SPTBN4: variants seen among roughly 807,000 people sequenced by gnomAD.
SPTBN4 encodes spectrin beta chain, non-erythrocytic 4.
In SPTBN4, 96 loss-of-function variants were observed where a neutral mutation model predicts 277.8. The observed-to-expected ratio is 0.35, with a 90% CI of 0.29 to 0.41. SPTBN4 has a LOEUF of 0.41. Among genes scored for constraint, SPTBN4 ranks in the 10% least tolerant of loss-of-function variants. The pLI is 1.00. For synonymous variants in SPTBN4, 1,481 were observed against 1,580.3 expected, an observed-to-expected ratio of 0.94 and a Z score of 1.49; for missense variants, 3,006 against 3,595.7, an observed-to-expected ratio of 0.84 and a Z score of 4.19.
At chr19:40,491,497 T>C (rs941247432) in intron 4 of SPTBN4, among the ~76,000 whole-genome samples, 6 of 151,830 alleles carry the variant, frequency 4.0e-5, no homozygotes, top group Non-Finnish European at 8.8e-5. Context: ...ATCCCAGCAC[T>C]TTGGGAGGCT....
chr19:40,515,357 C>T lies in SPTBN4; in HGVS notation c.2812C>T (p.Leu938=). The change falls in exon 15 of 36, where the codon CTG becomes TTG. Residue 938 remains leucine (L), a synonymous_variant. Transcript: ENST00000598249. This position sits in a 1 kb window ranked among gnomAD's most constrained non-coding sequence, Gnocchi z 4.1. The part of the protein sequence containing the change: ...QEMNSLMGRV[L]DVNHTVQELV... Reference sequence around the variant, plus strand: ...GATGAACAGCCTGATGGGCCGCGTTCTGGACGTGAACCACACAGTCCAGGA... The same window carrying T: ...GATGAACAGCCTGATGGGCCGCGTTTTGGACGTGAACCACACAGTCCAGGA... 2 of 1,610,828 alleles carry T rather than the reference C, an allele frequency of 1.2e-6. No individual in the cohort carries two copies. Among genetic ancestry groups the T allele is most frequent in the Non-Finnish European group, 1.7e-6 (2 of 1,178,734 alleles).
At chr19:40,529,495 T>TG (rs926105374) in intron 18 of SPTBN4, among the ~76,000 whole-genome samples, 210 of 151,880 alleles carry the variant, frequency 1.4e-3, no homozygotes, top group Non-Finnish European at 1.7e-3. Flanking sequence ...CCGAGGGCCG[T>TG]GGGGGGGCCA....
chr19:40,527,938 C>A (rs576802936), intron 17 of SPTBN4, among the ~76,000 whole-genome samples: 1 of 152,006 alleles, frequency 6.6e-6, no homozygotes, highest in East Asian at 1.9e-4. Flanking sequence ...CGCCTGTAAT[C>A]CCAGCTAGTT....
At chr19:40,553,073 G>A (rs972354632) in intron 22 of SPTBN4, among the ~76,000 whole-genome samples, 1 of 152,182 alleles carries the variant, frequency 6.6e-6, no homozygotes, top group Non-Finnish European at 1.5e-5. Context: ...GTAAAATGGA[G>A]ATGGTAATGT....
chr19:40,514,380 C>T (rs1259972830), intron 14 of SPTBN4, among the ~76,000 whole-genome samples: 1 of 152,058 alleles, frequency 6.6e-6, no homozygotes, highest in Non-Finnish European at 1.5e-5. Flanking sequence ...CAGGTTGGAG[C>T]GGGTAAGAGT....
At chr19:40,528,917 C>G in intron 17 of SPTBN4, 124 bp from the exon 18 acceptor site, 1 of 679,752 alleles carries the variant, frequency 1.5e-6, no homozygotes, top group South Asian at 1.6e-5. Context: ...TAATTCCTCC[C>G]TCTCTCTTAC....
At position 40,519,121 on chromosome 19, in the gene SPTBN4, C is replaced by T. The variant is rs1048339739; in HGVS notation, c.2904-280C>T. ...CTCCTGCCGCCTCTGGAAAACTCCA[C>T]TGAACACTCGGGAAAGAATGAGAGT... On this transcript the variant is annotated intron_variant, in intron 15 of 35. Transcript: ENST00000598249. The surrounding 1 kb of genome is among the most constrained non-coding windows in gnomAD (Gnocchi z 5.7). 3.9e-5 allele frequency among the ~76,000 whole-genome samples: 6 copies of T among 152,208 alleles called. No homozygotes were observed. The East Asian group carries it at 1.2e-3, about 29-fold the overall frequency.
In SPTBN4 at chr19:40,497,522, G is replaced by A. The variant is rs1270309167; in HGVS notation, c.702G>A (p.Lys234=). 1 of 1,614,124 alleles carries A rather than the reference G, an allele frequency of 6.2e-7. No homozygotes were observed. The highest frequency in any genetic ancestry group is 1.3e-5 in the African/African-American group (1 of 75,038). Residue 234 remains lysine (K), a synonymous_variant, in exon 7 of 36, where the codon AAG becomes AAA. Transcript: ENST00000598249. The part of the protein sequence containing the change: ...PDLVDFSKLT[K]SNANYNLQRA... The stretch of plus-strand genomic sequence containing the variant: ...TCGTGGACTTCAGCAAACTCACCAA[G>A]TCCAATGCCAACTACAACCTGCAGA...
rs922960157 is a variant in SPTBN4, at chr19:40,467,187, G to C, written c.-134G>C. On this transcript the variant is annotated 5_prime_UTR_variant, in exon 1 of 36. Transcript: ENST00000598249. ...GGATCTGGCTGAGCCGCGGGCCGGC[G>C]GGGCCGAGCTGAGCCGGGCTGGGCC... 3.3e-5 allele frequency: 5 copies of C among 149,628 alleles called. No individual in the cohort carries two copies. The highest frequency in any genetic ancestry group is 6.7e-5 in the Admixed American group (1 of 14,972). 9.3% of individuals were successfully genotyped at this position (149,628 alleles called of 1,614,324 possible). A position where few individuals can be genotyped will look rare whatever the true frequency, so the allele number is the denominator to read the frequency against.
chr19:40,550,034 G>A (rs2080899741), intron 21 of SPTBN4, among the ~76,000 whole-genome samples: 1 of 152,072 alleles, frequency 6.6e-6, no homozygotes, highest in Non-Finnish European at 1.5e-5. Flanking sequence ...TACATGGGAG[G>A]CTGAGGTAGG....
Position 40,519,834 on chromosome 19 carries a change from G to A in SPTBN4, c.3337G>A (p.Gly1113Ser). ...WLVRAQEAAG[G>S]SEGPLPNSLE... ...CGTGCGCGCCCAGGAGGCGGCGGGC[G>A]GCAGCGAGGGGCCCCTGCCCAACAG... is the stretch of plus-strand genomic sequence containing the variant. Residue 1113 changes from glycine to serine, a missense_variant, in exon 16 of 36, where the codon GGC (glycine) becomes AGC (serine). Gly to Ser is a moderately conservative substitution (Grantham distance 56). This residue lies in a region of SPTBN4 where 1,759 missense variants were observed against 2,061.5 expected (regional missense o/e 0.85). Transcript: ENST00000598249. The surrounding 1 kb of genome is among the most constrained non-coding windows in gnomAD (Gnocchi z 5.7). The A allele has an allele frequency of 1.4e-6, 2 of 1,433,932 alleles. No individual in the cohort carries two copies. The highest frequency in any genetic ancestry group is 1.8e-6 in the Non-Finnish European group (2 of 1,106,530). The allele number at this position is 1,433,932 out of a possible 1,614,324, so 88.8% of individuals were successfully genotyped here. A position where few individuals can be genotyped will look rare whatever the true frequency, so the allele number is the denominator to read the frequency against.
chr19:40,497,295 A>G, intron 6 of SPTBN4, 194 bp from the exon 7 acceptor site: 1 of 587,302 alleles, frequency 1.7e-6, no homozygotes, highest in Admixed American at 2.9e-5. Context: ...CCGGGAACGC[A>G]CAGAGACATG....
chr19:40,556,390 C>T, intron 25 of SPTBN4, 102 bp downstream of exon 25: 2 of 1,049,258 alleles, frequency 1.9e-6, no homozygotes, highest in Admixed American at 2.6e-5. Context: ...GCACCCGCCT[C>T]ATGGCTCTGC....
At chr19:40,574,823 T>C (rs2081185825) in intron 35 of SPTBN4, among the ~76,000 whole-genome samples, 1 of 152,176 alleles carries the variant, frequency 6.6e-6, no homozygotes, top group East Asian at 2.0e-4. Context: ...AAGACCAGTG[T>C]GGCCAACGTG....
intron 2 of SPTBN4, among the ~76,000 whole-genome samples, chr19:40,483,082 A>C (rs2080030891): frequency 6.6e-6 from 1 of 152,150 alleles, no homozygotes; most frequent in Admixed American, 6.6e-5. Context: ...GATCCCCCAG[A>C]ATCCACTGAA....
chr19:40,544,887 C>T (rs1216662985), intron 20 of SPTBN4, among the ~76,000 whole-genome samples: 1 of 151,440 alleles, frequency 6.6e-6, no homozygotes, highest in Admixed American at 6.6e-5. Flanking sequence ...GTCTCAAACT[C>T]CTGGGCTCAA....
Position 40,502,146 on chromosome 19 carries a change from G to C in SPTBN4, c.916G>C (p.Glu306Gln). The C allele has an allele frequency of 6.2e-7, 1 of 1,613,850 alleles. No homozygotes were observed. The highest frequency in any genetic ancestry group is 1.6e-4 in the Middle Eastern group (1 of 6,062). ...RIGKVLDQVL[E>Q]VGKIIERYEE... ...GTGTCAGGTCTTGGACCAGGTATTG[G>C]AGGTGGGGAAGATCATAGAACGCTA... Residue 306 changes from glutamate to glutamine, a missense_variant, in exon 9 of 36, where the codon GAG becomes CAG. Transcript: ENST00000598249. This position sits in a 1 kb window ranked among gnomAD's most constrained non-coding sequence, Gnocchi z 4.9.
In SPTBN4 at chr19:40,506,386, G is replaced by T. The variant is rs780031335; in HGVS notation, c.1816G>T (p.Gly606Cys). Residue 606 changes from glycine to cysteine, a missense_variant and splice_region_variant, in exon 13 of 36, where the codon GGC (glycine) becomes TGC (cysteine). Physicochemically the swap from Gly to Cys is radical, Grantham distance 159. Around this residue, in one of 5 missense-constraint regions of SPTBN4, gnomAD observed 1,759 missense variants for 2,061.5 expected, o/e 0.85. Coordinates refer to ENST00000598249, the MANE Select transcript of SPTBN4 (RefSeq NM_020971.3). ...TGCCCTGCGCTTCTCCCAGCTGCAG[G>T]GTGAGTCTTGGGGCTGGGGCTGGGG... is the stretch of plus-strand genomic sequence containing the variant. ...AAALRFSQLQ[G>C]YQPCDPQVIC... The T allele has an allele frequency of 1.9e-6, 3 of 1,610,732 alleles. No individual in the cohort carries two copies. The highest frequency in any genetic ancestry group is 2.5e-6 in the Non-Finnish European group (3 of 1,177,828).
At chr19:40,478,607 A>C (rs1387255982) in intron 2 of SPTBN4, among the ~76,000 whole-genome samples, 1 of 151,652 alleles carries the variant, frequency 6.6e-6, no homozygotes, top group East Asian at 1.9e-4. Context: ...GTGCAATGGC[A>C]CGATCTTGGC....
Sources: gnomAD v4.1 joint callset for allele counts (sites outside exome capture counted in the v4.1 genomes callset) on GRCh38, gnomAD v4.1.1 for gene constraint, gnomAD v4.1.1 regional missense constraint, Gnocchi (gnomAD v3.1) non-coding constraint, MANE v1.5 for transcripts, NCBI Gene and HGNC (gene_info 2026-07-23, HGNC 2026-07-21) for gene names.